The following MICU1 variants were observed in gnomAD, a reference collection of about 807,000 sequenced individuals.
MICU1 encodes calcium uptake protein 1, mitochondrial.
In MICU1, 45 loss-of-function variants were observed where a neutral mutation model predicts 56.8. The ratio of observed to expected loss-of-function variants is 0.79; its 90% CI spans 0.62 to 1.02. The LOEUF is 1.02. Among genes scored for constraint, MICU1 ranks in the 50% least tolerant of loss-of-function variants. MICU1 has a pLI of 0.00. For missense variants in MICU1, 504 were observed against 587.1 expected, an observed-to-expected ratio of 0.86 and a Z score of 1.46; for synonymous variants, 186 against 195.1, an observed-to-expected ratio of 0.95 and a Z score of 0.39.
chr10:72,550,245 G>T (rs1442607756), intron 4 of MICU1, among the ~76,000 whole-genome samples: 1 of 151,838 alleles, frequency 6.6e-6, no homozygotes, highest in African/African-American at 2.4e-5. Context: ...GATATGTTTG[G>T]ATATACAATT....
intron 9 of MICU1, among the ~76,000 whole-genome samples, chr10:72,419,727 C>T (rs938047549): frequency 6.6e-6 from 1 of 152,166 alleles, no homozygotes; most frequent in African/African-American, 2.4e-5. Context: ...GGATAAGCCT[C>T]TCAATTCATG....
chr10:72,409,160 C>T (rs1400217021), intron 9 of MICU1, among the ~76,000 whole-genome samples: 1 of 152,146 alleles, frequency 6.6e-6, no homozygotes, highest in Admixed American at 6.5e-5. Context: ...TCCTAGATAT[C>T]CCAGACACTG....
intron 9 of MICU1, among the ~76,000 whole-genome samples, chr10:72,413,174 G>A (rs1863878724): frequency 6.6e-6 from 1 of 152,012 alleles, no homozygotes; most frequent in Non-Finnish European, 1.5e-5. Flanking sequence ...TCCAGCCTGG[G>A]CAGCAGTGAA....
intron 8 of MICU1, among the ~76,000 whole-genome samples, chr10:72,436,066 A>G (rs571190364): frequency 6.6e-6 from 1 of 152,338 alleles, no homozygotes; most frequent in South Asian, 2.1e-4. Context: ...TGAGCTCTGA[A>G]AATGGACAGA....
chr10:72,505,578 T>A (rs1451193698), intron 6 of MICU1, among the ~76,000 whole-genome samples: 1 of 152,164 alleles, frequency 6.6e-6, no homozygotes, highest in Admixed American at 6.5e-5. Flanking sequence ...CCATCAGTGG[T>A]GGACTGGATA....
intron 8 of MICU1, among the ~76,000 whole-genome samples, chr10:72,465,367 T>C (rs1865762240): frequency 6.6e-6 from 1 of 150,756 alleles, no homozygotes; most frequent in Non-Finnish European, 1.5e-5. Flanking sequence ...ACTGAAGTTA[T>C]AAATACCCAA....
intron 1 of MICU1, among the ~76,000 whole-genome samples, chr10:72,613,263 C>T (rs1379656221): frequency 7.0e-6 from 1 of 142,924 alleles, no homozygotes; most frequent in African/African-American, 2.6e-5. Flanking sequence ...AAACACTTTA[C>T]CCCTAATTTT....
chr10:72,421,016 A>AT (rs1554865353), intron 9 of MICU1, among the ~76,000 whole-genome samples: 4,959 of 123,944 alleles, frequency 0.04, 145 homozygotes, highest in African/African-American at 0.077. Flanking sequence ...AAAAAAAAAA[A>AT]AATAATAATA....
chr10:72,603,820 C>A lies in MICU1; in HGVS notation c.-2+22190G>T, dbSNP rs574796139. Among the ~76,000 whole-genome samples, 565 of 151,996 alleles carry A rather than the reference C, an allele frequency of 3.7e-3. 3 individuals are homozygous for A. The highest frequency in any genetic ancestry group is 4.8e-3 in the Non-Finnish European group (329 of 67,918). ...ACTCTGTCTCAAAAACAAAACAAAACAAACAAACAAACAAAAAAACACCTG... is the reference window on the plus strand; with the variant it reads ...ACTCTGTCTCAAAAACAAAACAAAAAAAACAAACAAACAAAAAAACACCTG... On this transcript the variant is annotated intron_variant, in intron 1 of 11. Coordinates refer to ENST00000361114, the MANE Select transcript of MICU1 (RefSeq NM_001195518.2).
chr10:72,616,894 G>C lies in MICU1; in HGVS notation c.-2+9116C>G, dbSNP rs74503238. ...CCTCCCCAGACTCCCTCAATTAAGGGAAACTATTGTGCTCTGTCTGGGTTC... is the reference window on the plus strand; with the variant it reads ...CCTCCCCAGACTCCCTCAATTAAGGCAAACTATTGTGCTCTGTCTGGGTTC... On this transcript the variant is annotated intron_variant, in intron 1 of 11. Coordinates refer to ENST00000361114, the MANE Select transcript of MICU1 (RefSeq NM_001195518.2). 8.5e-3 allele frequency among the ~76,000 whole-genome samples: 1,300 copies of C among 152,258 alleles called. 19 individuals are homozygous for C. Among genetic ancestry groups the C allele is most frequent in the African/African-American group, 0.03 (1,227 of 41,542 alleles).
chr10:72,429,784 C>A (rs548057275), intron 8 of MICU1, among the ~76,000 whole-genome samples: 2 of 152,276 alleles, frequency 1.3e-5, no homozygotes, highest in East Asian at 3.9e-4. Flanking sequence ...TTTGGCTAAT[C>A]AGTAACATAT....
At chr10:72,485,186 T>C (rs1377814876) in intron 6 of MICU1, among the ~76,000 whole-genome samples, 1 of 152,136 alleles carries the variant, frequency 6.6e-6, no homozygotes, top group Admixed American at 6.6e-5. Context: ...AATTAGCTAA[T>C]AAAATAAAAT....
At position 72,475,117 on chromosome 10, in the gene MICU1, C is replaced by G; in HGVS notation, c.916G>C (p.Asp306His). The change falls in exon 8 of 12, where the codon GAT becomes CAT. Residue 306 changes from aspartate to histidine, a missense_variant. Coordinates refer to ENST00000361114, the MANE Select transcript of MICU1 (RefSeq NM_001195518.2). ...FLEFQRKLQH[D>H]VLKLEFERHD... ...AGACCTACCTCAAGCTTCAGAACAT[C>G]ATGCTGCAGTTTACGCTGAAATTCG... is the stretch of plus-strand genomic sequence containing the variant. The G allele has an allele frequency of 6.2e-7, 1 of 1,609,734 alleles. No homozygotes were observed. The highest frequency in any genetic ancestry group is 8.5e-7 in the Non-Finnish European group (1 of 1,177,980).
intron 1 of MICU1, among the ~76,000 whole-genome samples, chr10:72,611,883 A>C (rs1271976984): frequency 1.3e-5 from 2 of 151,870 alleles, no homozygotes; most frequent in Admixed American, 6.6e-5. Flanking sequence ...GCTGCTTGGG[A>C]AAATGAGGCA....
intron 10 of MICU1, among the ~76,000 whole-genome samples, chr10:72,396,154 G>A (rs1423879706): frequency 1.3e-5 from 2 of 152,216 alleles, no homozygotes; most frequent in Admixed American, 1.3e-4. Flanking sequence ...GGTCTGGAGT[G>A]GACCTCCAGC....
rs1841195984 is a variant in MICU1, at chr10:72,590,615, C to A, written c.-1-23821G>T. Reference sequence around the variant, plus strand: ...CACGAGGTCAGGAGTTCGAGACCAGCCTCCTGGCCAGTGTGGTGAAACCCC... The same window carrying A: ...CACGAGGTCAGGAGTTCGAGACCAGACTCCTGGCCAGTGTGGTGAAACCCC... On this transcript the variant is annotated intron_variant, in intron 1 of 11. Transcript: ENST00000361114. Among the ~76,000 whole-genome samples, 3 of 151,890 alleles carry A rather than the reference C, an allele frequency of 2.0e-5. No individual in the cohort carries two copies. In the South Asian group the frequency reaches 6.2e-4, roughly 31 times the overall value.
At chr10:72,524,779 G>C in intron 5 of MICU1, 2 of 1,222,672 alleles carry the variant, frequency 1.6e-6, no homozygotes, top group Non-Finnish European at 2.0e-6. Context: ...AAAAAACATT[G>C]ACATTGTTTG....
chr10:72,583,672 C>A (rs551995439), intron 1 of MICU1, among the ~76,000 whole-genome samples: 142 of 152,270 alleles, frequency 9.3e-4, no homozygotes, highest in African/African-American at 3.3e-3. Context: ...ACTAGAAATA[C>A]AATGTGTACT....
chr10:72,368,673 C>G (rs914722733), intron 11 of MICU1, among the ~76,000 whole-genome samples: 1 of 152,118 alleles, frequency 6.6e-6, no homozygotes, highest in African/African-American at 2.4e-5. Context: ...GTAGGAGAGA[C>G]AAATTATTAT....
Sources: gnomAD v4.1 joint callset for allele counts (sites outside exome capture counted in the v4.1 genomes callset) on GRCh38, gnomAD v4.1.1 for gene constraint, MANE v1.5 for transcripts, NCBI Gene and HGNC (gene_info 2026-07-23, HGNC 2026-07-21) for gene names.